SLIT3: variants seen among roughly 807,000 people sequenced by gnomAD.
SLIT3 encodes the protein slit homolog 3 protein.
In SLIT3, 68 loss-of-function variants were observed where a neutral mutation model predicts 184.0. The observed-to-expected ratio is 0.37, with a 90% confidence interval of 0.30 to 0.45. The LOEUF (loss-of-function observed/expected upper bound fraction) is 0.45. Among genes scored for constraint, SLIT3 ranks in the 20% least tolerant of loss-of-function variants. SLIT3 has a pLI of 1.00. For synonymous variants in SLIT3, 831 were observed against 828.6 expected (o/e 1.00, Z -0.05); for missense variants, 1,707 against 2,026.0 (o/e 0.84, Z 3.02).
chr5:169,250,152 C>T (rs1014855390), intron 2 of SLIT3, among the ~76,000 whole-genome samples: 3 of 152,192 alleles, frequency 2.0e-5, no homozygotes, highest in Non-Finnish European at 2.9e-5. Context: ...GTCTACTTAA[C>T]CTATCCGCAC....
chr5:168,722,990 T>C lies in SLIT3; in HGVS notation c.2354A>G (p.Asn785Ser), dbSNP rs1762991582. The stretch of plus-strand genomic sequence containing the variant: ...GTAATTGGTCAGCATGCTGATGCTG[T>C]TGTTGCTCAGGTCACTAGGAAAAGT... ...RHLTLIDLSN[N>S]SISMLTNYTF... Residue 785 changes from asparagine to serine, a missense_variant, in exon 22 of 36, where the codon AAC becomes AGC. Asn to Ser is a conservative substitution (Grantham distance 46, BLOSUM62 1). This residue lies in a region of SLIT3 where 1,307 missense variants were observed against 1,511.6 expected (regional missense o/e 0.86). Transcript: ENST00000519560. 2.5e-6 allele frequency: 4 copies of C among 1,613,744 alleles called. No individual in the cohort carries two copies. The highest frequency in any genetic ancestry group is 3.3e-5 in the Admixed American group (2 of 60,000).
chr5:169,109,636 A>G (rs1476076519), intron 4 of SLIT3, among the ~76,000 whole-genome samples: 5 of 152,202 alleles, frequency 3.3e-5, no homozygotes, highest in Non-Finnish European at 7.3e-5. Flanking sequence ...CTCTCTCTGG[A>G]AGAACAAAAC....
intron 10 of SLIT3, among the ~76,000 whole-genome samples, chr5:168,793,787 T>G (rs1685582835): frequency 1.5e-5 from 1 of 65,846 alleles, no homozygotes; most frequent in Non-Finnish European, 3.3e-5. Context: ...CAAGCTGAGC[T>G]TTAAAAATGA....
intron 5 of SLIT3, among the ~76,000 whole-genome samples, chr5:168,864,635 A>G (rs1280085552): frequency 2.0e-5 from 3 of 152,192 alleles, no homozygotes; most frequent in Admixed American, 2.0e-4. Context: ...CACCCTTGCC[A>G]ATTCAGCATC....
intron 4 of SLIT3, among the ~76,000 whole-genome samples, chr5:168,887,186 C>T (rs1029002806): frequency 3.9e-5 from 6 of 152,076 alleles, no homozygotes; most frequent in Non-Finnish European, 8.8e-5. Flanking sequence ...ACAGTTCCCA[C>T]CTTCACCCCT....
chr5:169,073,847 A>G (rs1361561201), intron 4 of SLIT3, among the ~76,000 whole-genome samples: 1 of 152,142 alleles, frequency 6.6e-6, no homozygotes, highest in Non-Finnish European at 1.5e-5. Context: ...CAGCCTGCAG[A>G]ACTGTGCACA....
intron 4 of SLIT3, among the ~76,000 whole-genome samples, chr5:169,032,012 G>T (rs1479748310): frequency 6.6e-6 from 1 of 152,130 alleles, no homozygotes; most frequent in Non-Finnish European, 1.5e-5. Context: ...AGGTGATGTG[G>T]TTCCAATCCT....
chr5:169,166,920 T>C (rs2113406699), intron 4 of SLIT3, among the ~76,000 whole-genome samples: 1 of 152,318 alleles, frequency 6.6e-6, no homozygotes, highest in South Asian at 2.1e-4. Flanking sequence ...AATCCCACAG[T>C]GCTCGGGGAG....
intron 16 of SLIT3, among the ~76,000 whole-genome samples, chr5:168,757,496 G>C (rs561097061): frequency 4.9e-4 from 74 of 151,368 alleles, no homozygotes; most frequent in Admixed American, 1.4e-3. Context: ...TGCAGTGGTG[G>C]GATCTCGGCT....
chr5:169,098,903 G>A (rs1759896546), intron 4 of SLIT3, among the ~76,000 whole-genome samples: 1 of 152,110 alleles, frequency 6.6e-6, no homozygotes, highest in Non-Finnish European at 1.5e-5. Context: ...ATTCCAGCGG[G>A]TAGGAGGGTC....
At chr5:169,275,733 G>GC (rs1022174736) in intron 1 of SLIT3, among the ~76,000 whole-genome samples, 1 of 152,126 alleles carries the variant, frequency 6.6e-6, no homozygotes, top group African/African-American at 2.4e-5. Context: ...GGAAAGACCA[G>GC]CCCCCATGAT....
intron 6 of SLIT3, among the ~76,000 whole-genome samples, chr5:168,827,528 T>C (rs1234130364): frequency 2.6e-5 from 4 of 152,232 alleles, no homozygotes; most frequent in Non-Finnish European, 4.4e-5. Context: ...TGATCTCCAC[T>C]TCCTGGGACC....
chr5:168,682,973 C>A (rs1456966620), intron 32 of SLIT3, among the ~76,000 whole-genome samples: 1 of 151,894 alleles, frequency 6.6e-6, no homozygotes, highest in East Asian at 1.9e-4. Flanking sequence ...TAATATTTAG[C>A]ATTTATTTTA....
At position 169,204,516 on chromosome 5, in the gene SLIT3, G is replaced by A. The variant is rs35477551; in HGVS notation, c.342-10966C>T. Among the ~76,000 whole-genome samples, 1,135 of 152,266 alleles carry A rather than the reference G, an allele frequency of 7.5e-3. 4 individuals carry two copies. The highest frequency in any genetic ancestry group is 0.017 in the Middle Eastern group (5 of 294). On this transcript the variant is annotated intron_variant, in intron 3 of 35. Transcript: ENST00000519560. ...TTCAGTGCTGATAAGAATGACATAG[G>A]AGCGAGGCACATTGATGATTCAGGG...
intron 4 of SLIT3, among the ~76,000 whole-genome samples, chr5:169,005,808 C>T (rs539670555): frequency 1.3e-5 from 2 of 152,354 alleles, no homozygotes; most frequent in South Asian, 2.1e-4. Context: ...GCACTCTGCG[C>T]CTTTGGAGCT....
intron 32 of SLIT3, among the ~76,000 whole-genome samples, chr5:168,674,872 G>C (rs1434694848): frequency 1.3e-5 from 2 of 152,160 alleles, no homozygotes; most frequent in Non-Finnish European, 2.9e-5. Flanking sequence ...CGAGGGCCCA[G>C]ATGAGCCAGA....
At chr5:168,917,082 TAGG>T (rs1242374692) in intron 4 of SLIT3, among the ~76,000 whole-genome samples, 1 of 152,202 alleles carries the variant, frequency 6.6e-6, no homozygotes, top group African/African-American at 2.4e-5. Flanking sequence ...GATTGCTAAA[TAGG>T]AGTTTTTCTA....
At chr5:168,873,724 C>A (rs139532520) in intron 5 of SLIT3, among the ~76,000 whole-genome samples, 68 of 152,244 alleles carry the variant, frequency 4.5e-4, no homozygotes, top group African/African-American at 1.6e-3. Context: ...CTCCTGGACT[C>A]CTCACTAGTA....
intron 28 of SLIT3, among the ~76,000 whole-genome samples, chr5:168,695,837 C>T (rs1017652247): frequency 6.6e-6 from 1 of 152,186 alleles, no homozygotes; most frequent in African/African-American, 2.4e-5. Flanking sequence ...CTCTGTCCAC[C>T]TGACTATAAA....
Sources: gnomAD v4.1 joint callset for allele counts (sites outside exome capture counted in the v4.1 genomes callset) on GRCh38, gnomAD v4.1.1 for gene constraint, gnomAD v4.1.1 regional missense constraint, MANE v1.5 for transcripts, NCBI Gene and HGNC (gene_info 2026-07-23, HGNC 2026-07-21) for gene names.